The following SNX5 variants were observed in gnomAD, a reference collection of about 807,000 sequenced individuals.
SNX5 encodes sorting nexin 5, also known as sorting nexin-5.
A neutral mutation model predicts 53.9 loss-of-function variants in SNX5; 31 were observed. The observed-to-expected ratio is 0.58, with a 90% CI of 0.43 to 0.78. The LOEUF is 0.78. SNX5 is among the 30% of genes least tolerant of loss of function. The pLI is 0.00. For synonymous variants in SNX5, 168 were observed against 171.1 expected (o/e 0.98, Z 0.14); for missense variants, 471 against 478.8 (o/e 0.98, Z 0.15).
At chr20:17,961,650 G>A (rs1376368805) in intron 1 of SNX5, 1 of 984,404 alleles carries the variant, frequency 1.0e-6, no homozygotes, top group African/African-American at 1.7e-5. Context: ...TGACTTCCTA[G>A]TTTCCATTCC....
chr20:17,968,270 T>C, intron 1 of SNX5, 105 bp downstream of exon 1: 10 of 983,250 alleles, frequency 1.0e-5, no homozygotes, highest in Non-Finnish European at 1.3e-5. Flanking sequence ...GCGCTGGGGA[T>C]GGCGGCGAGC....
intron 4 of SNX5, 152 bp from the exon 5 acceptor site, chr20:17,952,862 A>G: frequency 1.1e-6 from 1 of 875,924 alleles, no homozygotes. Context: ...GTGTCTAGTT[A>G]GATACTAAGG....
chr20:17,953,501 T>A (rs556196598), intron 4 of SNX5, among the ~76,000 whole-genome samples: 1 of 152,224 alleles, frequency 6.6e-6, no homozygotes, highest in Non-Finnish European at 1.5e-5. Context: ...CTATTTGGCC[T>A]GGCCCAGGGG....
rs1206298896 is a variant in SNX5, at chr20:17,951,693, G to A, written c.514-98C>T. On this transcript the variant is annotated intron_variant, in intron 5 of 12. Transcript: ENST00000377759. ...ACATTTTAAGTAATCCTCTTTATCA[G>A]TACAGGCAAATGCATAAAGTATCTT... 1.1e-5 allele frequency: 9 copies of A among 796,770 alleles called. No individual in the cohort carries two copies. The East Asian group carries it at 2.0e-4, about 18-fold the overall frequency. 49.4% of individuals were successfully genotyped at this position (796,770 alleles called of 1,614,324 possible).
intron 11 of SNX5, among the ~76,000 whole-genome samples, chr20:17,946,622 C>A (rs2039491195): frequency 2.0e-5 from 3 of 152,158 alleles, no homozygotes; most frequent in African/African-American, 7.2e-5. Context: ...CAAGTGCCAA[C>A]TTGGGTAGGA....
intron 1 of SNX5, among the ~76,000 whole-genome samples, chr20:17,958,342 T>C (rs776309490): frequency 6.6e-6 from 1 of 152,246 alleles, no homozygotes. Flanking sequence ...TAAAAACTTA[T>C]GTACTTAACC....
chr20:17,955,648 T>C (rs190024576), intron 2 of SNX5, among the ~76,000 whole-genome samples, 173 bp from the exon 3 acceptor site: 2 of 152,370 alleles, frequency 1.3e-5, no homozygotes, highest in East Asian at 3.8e-4. Flanking sequence ...AGATTCAACC[T>C]GAACTCTAAC....
intron 2 of SNX5, among the ~76,000 whole-genome samples, 189 bp downstream of exon 2, chr20:17,956,744 A>T (rs1057418503): frequency 6.7e-6 from 1 of 150,184 alleles, no homozygotes. Context: ...CTGCCACAGC[A>T]GAATGCTGCT....
intron 2 of SNX5, among the ~76,000 whole-genome samples, chr20:17,955,800 AT>A (rs1243807363): frequency 6.6e-6 from 1 of 152,004 alleles, no homozygotes; most frequent in Non-Finnish European, 1.5e-5. Context: ...GTTTATATAC[AT>A]TTTTGGGACA....
At chr20:17,963,263 C>A (rs188732923) in intron 1 of SNX5, among the ~76,000 whole-genome samples, 26 of 152,028 alleles carry the variant, frequency 1.7e-4, no homozygotes, top group African/African-American at 6.3e-4. Context: ...GAGGATCGCC[C>A]GCGGCCAGGA....
At chr20:17,960,523 G>A (rs972517862) in intron 1 of SNX5, among the ~76,000 whole-genome samples, 1 of 152,174 alleles carries the variant, frequency 6.6e-6, no homozygotes, top group Non-Finnish European at 1.5e-5. Flanking sequence ...GAACCCAGGA[G>A]GCAGAGGTTG....
At chr20:17,952,395 A>T (rs2039582575) in intron 5 of SNX5, among the ~76,000 whole-genome samples, 192 bp downstream of exon 5, 1 of 152,164 alleles carries the variant, frequency 6.6e-6, no homozygotes, top group Non-Finnish European at 1.5e-5. Context: ...AGGTTTTGGA[A>T]GGGGAAAGAA....
At chr20:17,961,140 C>T in intron 1 of SNX5, 2 of 985,446 alleles carry the variant, frequency 2.0e-6, no homozygotes, top group Non-Finnish European at 2.4e-6. Flanking sequence ...ATTTCCTCAC[C>T]TATTCATCAG....
At chr20:17,961,214 C>T in intron 1 of SNX5, 1 of 985,380 alleles carries the variant, frequency 1.0e-6, no homozygotes, top group Non-Finnish European at 1.2e-6. Context: ...GAGCTCCTGC[C>T]CACCAGTCTT....
chr20:17,946,667 T>C (rs541471551), intron 11 of SNX5, among the ~76,000 whole-genome samples: 2 of 152,324 alleles, frequency 1.3e-5, no homozygotes, highest in African/African-American at 4.8e-5. Context: ...ATCGTCTTTC[T>C]GCAATCGTCA....
intron 2 of SNX5, among the ~76,000 whole-genome samples, chr20:17,956,673 CAAAAA>C (rs59252584): frequency 0.028 from 2,338 of 84,520 alleles, 14 homozygotes; most frequent in African/African-American, 0.074. Context: ...AGACTGTCTC[CAAAAA>C]AAAAAAAAAA....
At chr20:17,943,326 G>C in intron 11 of SNX5, 131 bp from the exon 12 acceptor site, 3 of 691,960 alleles carry the variant, frequency 4.3e-6, no homozygotes, top group Non-Finnish European at 7.9e-6. Flanking sequence ...CCTCACATTT[G>C]TATTATCTCT....
chr20:17,968,790 G>A lies in SNX5; in HGVS notation c.-365C>T, dbSNP rs1304032146. On this transcript the variant is annotated 5_prime_UTR_variant, in exon 1 of 13. Coordinates refer to ENST00000377759, the MANE Select transcript of SNX5 (RefSeq NM_014426.4). ...ACTCTCCCAGCAAGACGCGTCTAGA[G>A]AAAGACCGCGTTTCGGTGCGGGGGG... 1 of 283,760 alleles carries A rather than the reference G, an allele frequency of 3.5e-6. No homozygotes were observed. Among genetic ancestry groups the A allele is most frequent in the Non-Finnish European group, 6.7e-6 (1 of 149,930 alleles). The allele number at this position is 283,760 out of a possible 1,614,324, so 17.6% of individuals were successfully genotyped here. A position where few individuals can be genotyped will look rare whatever the true frequency, so the allele number is the denominator to read the frequency against.
At chr20:17,942,947 C>A (rs2039437614) in intron 12 of SNX5, 163 bp downstream of exon 12, 21 of 520,708 alleles carry the variant, frequency 4.0e-5, no homozygotes, top group Middle Eastern at 5.6e-4. Context: ...ACATTATAAA[C>A]AAGACTACAA....
Sources: gnomAD v4.1 joint callset for allele counts (sites outside exome capture counted in the v4.1 genomes callset) on GRCh38, gnomAD v4.1.1 for gene constraint, MANE v1.5 for transcripts, NCBI Gene and HGNC (gene_info 2026-07-23, HGNC 2026-07-21) for gene names.